The following C2orf49 variants were observed in gnomAD, a reference collection of about 807,000 sequenced individuals.
C2orf49 encodes tRNA splicing ligase complex subunit 2, also known as tRNA-splicing ligase complex subunit ASW.
Under a neutral mutation model 20.6 loss-of-function variants are expected in C2orf49, and 11 were observed. The observed-to-expected ratio is 0.53, with a 90% CI of 0.34 to 0.88. The LOEUF (loss-of-function observed/expected upper bound fraction) is 0.88, where lower values mean the gene tolerates loss of function less well. C2orf49 is among the 40% of genes least tolerant of loss of function. C2orf49 has a pLI of 0.02. For missense variants in C2orf49, 289 were observed against 274.2 expected (o/e 1.05, Z -0.38); for synonymous variants, 134 against 108.5 (o/e 1.24, Z -1.46).
downstream of C2orf49, among the ~76,000 whole-genome samples, chr2:105,352,885 C>T (rs1260805616): frequency 6.6e-6 from 1 of 152,118 alleles, no homozygotes; most frequent in Admixed American, 6.6e-5. Flanking sequence ...TCCTTGAAGC[C>T]TAGAGAAACC....
At chr2:105,381,283 T>C in the C2orf49 span, among the ~76,000 whole-genome samples, 2 of 152,156 alleles carry the variant, frequency 1.3e-5, no homozygotes, top group African/African-American at 4.8e-5. Flanking sequence ...CAAATAAAGA[T>C]GCAGAAAAAT....
chr2:105,373,819 G>A, the C2orf49 span: 23 of 1,384,708 alleles, frequency 1.7e-5, no homozygotes, highest in Non-Finnish European at 1.9e-5. Context: ...GAATCTGCAG[G>A]GCAAACAAGG....
the C2orf49 span, among the ~76,000 whole-genome samples, chr2:105,362,150 A>C: frequency 5.3e-5 from 8 of 152,218 alleles, 1 homozygote; most frequent in Non-Finnish European, 1.2e-4. Flanking sequence ...TTACCTCAAC[A>C]GAAGTTACTG....
the C2orf49 span, chr2:105,359,779 G>A: frequency 6.6e-6 from 1 of 152,292 alleles, no homozygotes; most frequent in East Asian, 1.9e-4. Flanking sequence ...CCTCAGTTGC[G>A]AGGGTGTTGA....
chr2:105,367,266 G>A, the C2orf49 span, among the ~76,000 whole-genome samples: 10 of 152,112 alleles, frequency 6.6e-5, no homozygotes, highest in African/African-American at 2.2e-4. Context: ...AGACAGCTTT[G>A]GGATGGTGGC....
At chr2:105,369,780 TG>T in the C2orf49 span, among the ~76,000 whole-genome samples, 2 of 152,208 alleles carry the variant, frequency 1.3e-5, no homozygotes, top group Non-Finnish European at 2.9e-5. Flanking sequence ...CCAATGAATA[TG>T]GGGCAATTAT....
chr2:105,379,685 T>C, the C2orf49 span, among the ~76,000 whole-genome samples: 1 of 152,188 alleles, frequency 6.6e-6, no homozygotes, highest in African/African-American at 2.4e-5. Flanking sequence ...CCCAACTCGC[T>C]TTCCAACCTG....
At chr2:105,369,246 A>G in the C2orf49 span, among the ~76,000 whole-genome samples, 1 of 152,258 alleles carries the variant, frequency 6.6e-6, no homozygotes, top group Admixed American at 6.5e-5. Flanking sequence ...AGGTGGAAGC[A>G]GCTGCAGTAA....
At position 105,345,496 on chromosome 2, in the gene C2orf49, T is replaced by TA. The variant is rs911964958; in HGVS notation, c.*132dup. ...TTTCTTAAGAGGTTTCAAATAGGTT[T>TA]AAAAAAATAAAGGATTTATTTTCCT... is the stretch of plus-strand genomic sequence containing the variant. On this transcript the variant is annotated 3_prime_UTR_variant, in exon 4 of 4. Transcript: ENST00000258457. 1.8e-5 allele frequency: 14 copies of TA among 757,116 alleles called. No individual in the cohort carries two copies. The African/African-American group carries it at 2.3e-4, about 13-fold the overall frequency. The allele number at this position is 757,116 out of a possible 1,614,324, so 46.9% of individuals were successfully genotyped here.
the C2orf49 span, among the ~76,000 whole-genome samples, chr2:105,354,987 C>G: frequency 6.6e-6 from 1 of 152,214 alleles, no homozygotes; most frequent in Non-Finnish European, 1.5e-5. Flanking sequence ...GGCTAAGAGA[C>G]AGCAAGAACC....
the C2orf49 span, among the ~76,000 whole-genome samples, chr2:105,379,719 C>T: frequency 2.0e-5 from 3 of 152,188 alleles, no homozygotes; most frequent in Non-Finnish European, 4.4e-5. Context: ...GTCCCCTCTT[C>T]CTCATCTCCA....
the C2orf49 span, chr2:105,373,962 G>A: frequency 1.8e-6 from 1 of 567,128 alleles, no homozygotes. Context: ...AGATGTGCAT[G>A]TATGCACATG....
In C2orf49 at chr2:105,337,604, G is replaced by T; in HGVS notation, c.17G>T (p.Gly6Val). The T allele has an allele frequency of 6.2e-7, 1 of 1,613,156 alleles. No homozygotes were observed. The highest frequency in any genetic ancestry group is 8.5e-7 in the Non-Finnish European group (1 of 1,179,936). Residue 6 changes from glycine to valine, a missense_variant, in exon 1 of 4, where the codon GGC becomes GTC. Gly to Val is a moderately radical substitution (Grantham distance 109). Transcript: ENST00000258457. Reference protein sequence around the residue: MAGDVGGRSCTDSELL... With the variant: MAGDVVGRSCTDSELL... ...GCGACGACCATGGCGGGGGATGTGG[G>T]CGGTCGCAGCTGCACGGACTCGGAA...
At chr2:105,338,890 T>C (rs915054535) in intron 1 of C2orf49, among the ~76,000 whole-genome samples, 13 of 152,232 alleles carry the variant, frequency 8.5e-5, no homozygotes, top group Non-Finnish European at 1.6e-4. Flanking sequence ...ACTACTCCTG[T>C]GCTTATGCTA....
Position 105,345,223 on chromosome 2 carries a change from T to A in C2orf49, c.643-92T>A, listed in dbSNP as rs1042226955. ...GCAGCAGTGATCTTCCATTAATACA[T>A]TAATAGTAAACCTTGGTTGTTTGAA... On this transcript the variant is annotated intron_variant, in intron 3 of 3. Transcript: ENST00000258457. 4 of 1,133,364 alleles carry A rather than the reference T, an allele frequency of 3.5e-6. No individual in the cohort carries two copies. In the African/African-American group the frequency reaches 6.3e-5, roughly 18 times the overall value. The allele number at this position is 1,133,364 out of a possible 1,614,324, so 70.2% of individuals were successfully genotyped here.
the C2orf49 span, among the ~76,000 whole-genome samples, chr2:105,385,185 G>GTA: frequency 3.7e-4 from 57 of 152,312 alleles, no homozygotes; most frequent in Middle Eastern, 3.4e-3. Flanking sequence ...GGCTGGTGCT[G>GTA]TACCTCTTTC....
At chr2:105,370,374 CAA>C in the C2orf49 span, among the ~76,000 whole-genome samples, 2 of 139,890 alleles carry the variant, frequency 1.4e-5, no homozygotes, top group African/African-American at 2.6e-5. Context: ...GATCCTGGCT[CAA>C]AAAAAAAAAA....
At chr2:105,378,303 C>T in the C2orf49 span, 2 of 414,290 alleles carry the variant, frequency 4.8e-6, no homozygotes, top group Non-Finnish European at 1.0e-5. Flanking sequence ...TGTTACTGGA[C>T]TAAGCATCCA....
the C2orf49 span, among the ~76,000 whole-genome samples, chr2:105,384,624 C>T: frequency 1.3e-5 from 2 of 152,198 alleles, no homozygotes; most frequent in Non-Finnish European, 2.9e-5. Context: ...TCTCGTGCCT[C>T]AGCCTCTCAA....
Sources: allele counts gnomAD v4.1 joint callset (sites outside exome capture counted in the v4.1 genomes callset), GRCh38; gene constraint gnomAD v4.1.1; transcripts MANE v1.5; gene names NCBI Gene and HGNC (gene_info 2026-07-23, HGNC 2026-07-21).